DLG1: variants seen among roughly 807,000 people sequenced by gnomAD.
The protein encoded by DLG1 is discs large MAGUK scaffold protein 1.
Under a neutral mutation model 123.4 loss-of-function variants are expected in DLG1, and 42 were observed. The observed-to-expected ratio is 0.34, with a 90% CI of 0.27 to 0.44. DLG1 has a LOEUF of 0.44. DLG1 is among the 20% of genes least tolerant of loss of function. The probability of loss-of-function intolerance (pLI) is 1.00; values close to 1 mark genes in which losing one functional copy is unlikely to be tolerated. For synonymous variants in DLG1, 317 were observed against 356.2 expected, an observed-to-expected ratio of 0.89 and a Z score of 1.24; for missense variants, 942 against 1,082.6, an observed-to-expected ratio of 0.87 and a Z score of 1.82.
intron 24 of DLG1, among the ~76,000 whole-genome samples, chr3:197,048,854 G>A (rs1030363917): frequency 1.3e-5 from 2 of 151,928 alleles, no homozygotes; most frequent in Admixed American, 6.6e-5. Context: ...AAGGGGTTTC[G>A]CCATGTTGGT....
At chr3:197,148,516 TAAAG>T (rs1443359308) in intron 6 of DLG1, among the ~76,000 whole-genome samples, 8 of 151,728 alleles carry the variant, frequency 5.3e-5, no homozygotes. Context: ...TGAAAGGAAT[TAAAG>T]AAATATACCC....
At chr3:197,126,293 A>G (rs757477528) in intron 11 of DLG1, among the ~76,000 whole-genome samples, 74 of 152,182 alleles carry the variant, frequency 4.9e-4, no homozygotes, top group Admixed American at 8.5e-4. Flanking sequence ...CTGACCAAAC[A>G]TGGAGAAACC....
chr3:197,297,299 C>G (rs1050361888), intron 1 of DLG1, 64 bp from the exon 2 acceptor site: 8 of 1,587,234 alleles, frequency 5.0e-6, no homozygotes, highest in Non-Finnish European at 6.8e-6. Flanking sequence ...TTTCCCCTAT[C>G]GAAATAGAAA....
chr3:197,172,112 G>A (rs149656996), intron 5 of DLG1, among the ~76,000 whole-genome samples: 177 of 152,008 alleles, frequency 1.2e-3, no homozygotes, highest in African/African-American at 4.0e-3. Flanking sequence ...CAACATTTTG[G>A]TTAATGATGG....
At chr3:197,197,468 G>A (rs762172755) in intron 4 of DLG1, among the ~76,000 whole-genome samples, 55 of 152,158 alleles carry the variant, frequency 3.6e-4, no homozygotes, top group Non-Finnish European at 6.2e-4. Flanking sequence ...TTATCTGTTG[G>A]TATGGTTCAC....
At chr3:197,109,267 G>A (rs898402812) in intron 13 of DLG1, among the ~76,000 whole-genome samples, 1 of 152,252 alleles carries the variant, frequency 6.6e-6, no homozygotes, top group Non-Finnish European at 1.5e-5. Context: ...CTACTCGGGA[G>A]GCTGAGGCAC....
chr3:197,083,986 T>C (rs972095793), intron 16 of DLG1, among the ~76,000 whole-genome samples: 2 of 151,594 alleles, frequency 1.3e-5, no homozygotes, highest in African/African-American at 2.4e-5. Flanking sequence ...AAAAAATCAA[T>C]CTACCTACCT....
intron 5 of DLG1, among the ~76,000 whole-genome samples, chr3:197,184,710 G>T (rs1424860925): frequency 6.6e-6 from 1 of 152,078 alleles, no homozygotes; most frequent in East Asian, 1.9e-4. Context: ...ATATTACAAG[G>T]TCATAAATTT....
chr3:197,157,839 C>G (rs1797024479), intron 5 of DLG1, among the ~76,000 whole-genome samples: 1 of 152,114 alleles, frequency 6.6e-6, no homozygotes, highest in East Asian at 1.9e-4. Context: ...GGCATGCAGA[C>G]AGACATACAG....
chr3:197,097,579 T>C (rs929367315), intron 14 of DLG1, among the ~76,000 whole-genome samples: 4 of 141,402 alleles, frequency 2.8e-5, no homozygotes, highest in African/African-American at 1.0e-4. Context: ...TTTTGTACTT[T>C]CTTTTTTTTT....
chr3:197,212,257 A>G (rs1731627737), intron 4 of DLG1, among the ~76,000 whole-genome samples: 1 of 146,560 alleles, frequency 6.8e-6, no homozygotes, highest in Non-Finnish European at 1.5e-5. Context: ...AATGCACACA[A>G]TGGTGATATG....
intron 16 of DLG1, among the ~76,000 whole-genome samples, chr3:197,083,132 T>G (rs1279872626): frequency 1.3e-5 from 2 of 152,224 alleles, no homozygotes; most frequent in African/African-American, 4.8e-5. Flanking sequence ...CTGAAAGATC[T>G]AGCCAAATAG....
chr3:197,209,886 T>G (rs1413147592), intron 4 of DLG1, among the ~76,000 whole-genome samples: 1 of 146,618 alleles, frequency 6.8e-6, no homozygotes, highest in African/African-American at 2.4e-5. Context: ...TGGAATGTCC[T>G]GATTGAATTT....
chr3:197,142,694 A>G (rs746120125), intron 7 of DLG1, 24 bp downstream of exon 7: 8 of 1,562,218 alleles, frequency 5.1e-6, no homozygotes, highest in Non-Finnish European at 7.0e-6. Flanking sequence ...CTCTAGAACA[A>G]CAGATTAAGA....
intron 4 of DLG1, among the ~76,000 whole-genome samples, chr3:197,276,846 G>A (rs995727570): frequency 6.6e-6 from 1 of 151,872 alleles, no homozygotes; most frequent in East Asian, 1.9e-4. Context: ...GGTTAGAAAA[G>A]CCTTCCTTAT....
intron 4 of DLG1, among the ~76,000 whole-genome samples, chr3:197,248,155 T>A (rs892825869): frequency 1.3e-5 from 2 of 152,194 alleles, no homozygotes; most frequent in Non-Finnish European, 2.9e-5. Flanking sequence ...TTACCACCCC[T>A]GCGGCTTTTC....
intron 23 of DLG1, among the ~76,000 whole-genome samples, chr3:197,055,963 C>G (rs763103133): frequency 1.3e-5 from 2 of 152,140 alleles, no homozygotes; most frequent in Non-Finnish European, 2.9e-5. Flanking sequence ...CCTTATTGTC[C>G]ACACTGGCTC....
At chr3:197,088,209 A>C (rs769176165) in intron 15 of DLG1, among the ~76,000 whole-genome samples, 9 of 152,226 alleles carry the variant, frequency 5.9e-5, no homozygotes, top group Non-Finnish European at 1.0e-4. Context: ...GGAACACTGG[A>C]TATTTAAAGA....
intron 10 of DLG1, among the ~76,000 whole-genome samples, chr3:197,134,687 G>A (rs1580038572): frequency 6.6e-6 from 1 of 152,180 alleles, no homozygotes; most frequent in Admixed American, 6.5e-5. Context: ...AGCCTCTTCT[G>A]GCTGGGACTG....
Sources: allele counts gnomAD v4.1 joint callset (sites outside exome capture counted in the v4.1 genomes callset), GRCh38; gene constraint gnomAD v4.1.1; transcripts MANE v1.5; gene names NCBI Gene and HGNC (gene_info 2026-07-23, HGNC 2026-07-21).